REN: variants seen among roughly 807,000 people sequenced by gnomAD.
REN encodes the protein renin.
REN carries 42 observed loss-of-function variants against 48.6 expected under a neutral mutation model. The observed-to-expected ratio is 0.86, with a 90% confidence interval of 0.68 to 1.12. The LOEUF (loss-of-function observed/expected upper bound fraction) is 1.12, where lower values mean the gene tolerates loss of function less well. REN is among the 50% of genes most tolerant of loss of function. REN has a pLI of 0.00. For missense variants in REN, 443 were observed against 527.3 expected (o/e 0.84, Z 1.57); for synonymous variants, 196 against 204.6 (o/e 0.96, Z 0.36).
At chr1:204,165,358 A>C (rs1474396321) in intron 1 of REN, among the ~76,000 whole-genome samples, 1 of 152,162 alleles carries the variant, frequency 6.6e-6, no homozygotes, top group African/African-American at 2.4e-5. Flanking sequence ...TCTATGCCTT[A>C]TCTCCTAAAA....
intron 5 of REN, among the ~76,000 whole-genome samples, chr1:204,158,497 A>C (rs550804209): frequency 1.3e-5 from 2 of 148,548 alleles, no homozygotes; most frequent in South Asian, 4.2e-4. Context: ...TGCTCACTGA[A>C]GCCTTAACTC....
At position 204,155,417 on chromosome 1, in the gene REN, A is replaced by G. The variant is rs11571091; in HGVS notation, c.1060-240T>C. Among the ~76,000 whole-genome samples, 23,328 of 152,226 alleles carry G rather than the reference A, an allele frequency of 0.15. 1,793 individuals are homozygous for G. The highest frequency in any genetic ancestry group is 0.17 in the Admixed American group (2,627 of 15,290). The stretch of plus-strand genomic sequence containing the variant: ...ATGCATCAGGCACCGTGCTTCCTTC[A>G]GGAGCTTACAGTTTGCCTTAGCTTC... On this transcript the variant is annotated intron_variant, in intron 9 of 9. Transcript: ENST00000272190.
At chr1:204,160,464 C>T (rs1658222629) in intron 4 of REN, 96 bp downstream of exon 4, 5 of 835,660 alleles carry the variant, frequency 6.0e-6, no homozygotes, top group East Asian at 2.4e-5. Flanking sequence ...AAGTGGGCTG[C>T]AGTGTACCTC....
Position 204,156,412 on chromosome 1 carries a change from G to A in REN, c.819-93C>T, listed in dbSNP as rs1658152122. 1.3e-6 allele frequency: 2 copies of A among 1,528,054 alleles called. No homozygotes were observed. The highest frequency in any genetic ancestry group is 1.4e-5 in the African/African-American group (1 of 72,788). 94.7% of individuals were successfully genotyped at this position (1,528,054 alleles called of 1,614,324 possible). ...CTGCATGTCCTTCCTGAGTGTGGGT[G>A]GGTGGGTGGAGGCCACGCTGGTGGC... is the stretch of plus-strand genomic sequence containing the variant. On this transcript the variant is annotated intron_variant, in intron 7 of 9. Coordinates refer to ENST00000272190, the MANE Select transcript of REN (RefSeq NM_000537.4). The surrounding 1 kb of genome is among the most constrained non-coding windows in gnomAD (Gnocchi z 4.2).
intron 1 of REN, among the ~76,000 whole-genome samples, chr1:204,164,884 T>A (rs1658316772): frequency 6.6e-6 from 1 of 152,116 alleles, no homozygotes; most frequent in African/African-American, 2.4e-5. Context: ...ACAGTCTTAA[T>A]GAATCACTTG....
intron 4 of REN, among the ~76,000 whole-genome samples, chr1:204,160,001 A>G (rs1487506530): frequency 6.6e-6 from 1 of 152,198 alleles, no homozygotes; most frequent in Non-Finnish European, 1.5e-5. Flanking sequence ...GAGTTCACAG[A>G]AAAAGGAAGG....
chr1:204,162,757 C>A (rs1206285658), intron 1 of REN, among the ~76,000 whole-genome samples: 1 of 152,220 alleles, frequency 6.6e-6, no homozygotes, highest in African/African-American at 2.4e-5. Flanking sequence ...GTGGAGTGGA[C>A]CCCCTGAGCT....
rs776828228 is a variant in REN, at chr1:204,156,145, C to G, written c.960+33G>C. The G allele has an allele frequency of 3.2e-5, 51 of 1,613,920 alleles. No individual in the cohort carries two copies. Among genetic ancestry groups the G allele is most frequent in the Admixed American group, 8.3e-5 (5 of 60,010 alleles). ...AGCCGATACCAGGTGGCGCTCCCCC[C>G]ACCCACAGCACCTTCCCTCTTTGGC... On this transcript the variant is annotated intron_variant, in intron 8 of 9. Transcript: ENST00000272190. The surrounding 1 kb of genome is among the most constrained non-coding windows in gnomAD (Gnocchi z 4.2).
At chr1:204,155,988 G>T in intron 8 of REN, 70 bp from the exon 9 acceptor site, 1 of 1,462,438 alleles carries the variant, frequency 6.8e-7, no homozygotes. Context: ...GTCCTGCGCT[G>T]GTGGCCTGGT....
chr1:204,157,752 C>A (rs74567042), intron 5 of REN, among the ~76,000 whole-genome samples: 3,354 of 152,360 alleles, frequency 0.022, 47 homozygotes, highest in Non-Finnish European at 0.035. Context: ...TGTGCAACTG[C>A]AAACTACTTG....
chr1:204,155,693 G>A (rs994732354), intron 9 of REN, 127 bp downstream of exon 9: 7 of 776,398 alleles, frequency 9.0e-6, no homozygotes, highest in Middle Eastern at 2.5e-4. Flanking sequence ...AAGCTCTCCA[G>A]GTGACATGCA....
At chr1:204,157,599 C>G (rs569819734) in intron 5 of REN, among the ~76,000 whole-genome samples, 1 of 152,218 alleles carries the variant, frequency 6.6e-6, no homozygotes, top group Non-Finnish European at 1.5e-5. Flanking sequence ...CCTTCCTTTC[C>G]TCCTCACTGC....
chr1:204,161,250 G>A, intron 3 of REN, 42 bp downstream of exon 3: 3 of 1,560,560 alleles, frequency 1.9e-6, no homozygotes, highest in Non-Finnish European at 2.6e-6. Flanking sequence ...GCACAGTAGG[G>A]CAGGGGGATG....
intron 1 of REN, among the ~76,000 whole-genome samples, chr1:204,162,433 T>C (rs1034722675): frequency 1.3e-5 from 2 of 152,232 alleles, no homozygotes; most frequent in African/African-American, 2.4e-5. Flanking sequence ...CAAGGCTATT[T>C]GTTTATTGGT....
rs1235200873 is a variant in REN at position 204,156,383 on chromosome 1, C to G, written c.819-64G>C. On this transcript the variant is annotated intron_variant, in intron 7 of 9. Coordinates refer to ENST00000272190, the MANE Select transcript of REN (RefSeq NM_000537.4). This position sits in a 1 kb window ranked among gnomAD's most constrained non-coding sequence, Gnocchi z 4.2. The stretch of plus-strand genomic sequence containing the variant: ...AGACAGAAGGCTGATGGGGCACCTC[C>G]AGGCTGCATGTCCTTCCTGAGTGTG... 2.1e-6 allele frequency: 3 copies of G among 1,416,550 alleles called. No homozygotes were observed. The East Asian group carries it at 7.2e-5, about 34-fold the overall frequency. The allele number at this position is 1,416,550 out of a possible 1,614,324, so 87.7% of individuals were successfully genotyped here. A position where few individuals can be genotyped will look rare whatever the true frequency, so the allele number is the denominator to read the frequency against.
At chr1:204,162,305 G>A (rs1658263552) in intron 1 of REN, 142 bp from the exon 2 acceptor site, 1 of 869,728 alleles carries the variant, frequency 1.1e-6, no homozygotes, top group Non-Finnish European at 1.8e-6. Flanking sequence ...CTGTCGCTGA[G>A]GGCCTCTGGA....
Position 204,162,162 on chromosome 1 carries a change from T to A in REN, c.100A>T (p.Ile34Phe). Reference sequence around the variant, plus strand: ...ATTGAGGGCATTCTCTTGAGGAAGATCCTGGCCCAGGGTGGAGGAAGCAAA... The same window carrying A: ...ATTGAGGGCATTCTCTTGAGGAAGAACCTGGCCCAGGGTGGAGGAAGCAAA... Reference protein sequence around the residue: ...LPTDTTTFKRIFLKRMPSIRE... With the variant: ...LPTDTTTFKRFFLKRMPSIRE... The change falls in exon 2 of 10, where the codon ATC becomes TTC. Residue 34 changes from isoleucine to phenylalanine, a missense_variant and splice_region_variant. By Grantham distance (21) the Ile-to-Phe change is conservative. Transcript: ENST00000272190. 6.2e-7 allele frequency: 1 copy of A among 1,614,064 alleles called. No individual in the cohort carries two copies. Among genetic ancestry groups the A allele is most frequent in the African/African-American group, 1.3e-5 (1 of 74,996 alleles).
Position 204,156,257 on chromosome 1 carries a change from C to T in REN, c.881G>A (p.Gly294Asp), listed in dbSNP as rs1162730926. 1 of 1,614,216 alleles carries T rather than the reference C, an allele frequency of 6.2e-7. No homozygotes were observed. The highest frequency in any genetic ancestry group is 1.7e-5 in the Admixed American group (1 of 60,030). ...GGTAGAACCTGAGATGTAGGATGCA[C>T]CGGTGTCTACCAATGCCAGGCAGCC... The part of the protein sequence containing the change: ...EDGCLALVDT[G>D]ASYISGSTSS... The change falls in exon 8 of 10, where the codon GGT becomes GAT. Residue 294 changes from glycine to aspartate, a missense_variant. By Grantham distance (94) the Gly-to-Asp change is moderately conservative (BLOSUM62 -1). Coordinates refer to ENST00000272190, the MANE Select transcript of REN (RefSeq NM_000537.4). The surrounding 1 kb of genome is among the most constrained non-coding windows in gnomAD (Gnocchi z 4.2).
chr1:204,160,515 G>T, intron 4 of REN, 45 bp downstream of exon 4: 1 of 1,314,476 alleles, frequency 7.6e-7, no homozygotes, highest in Non-Finnish European at 1.1e-6. Context: ...GAGGCCTGGG[G>T]ACAGAAGGGG....
Sources: allele counts gnomAD v4.1 joint callset (sites outside exome capture counted in the v4.1 genomes callset), GRCh38; gene constraint gnomAD v4.1.1; non-coding constraint Gnocchi (gnomAD v3.1); transcripts MANE v1.5; gene names NCBI Gene and HGNC (gene_info 2026-07-23, HGNC 2026-07-21).